WDR70: variants seen among roughly 807,000 people sequenced by gnomAD.
The protein encoded by WDR70 is WD repeat-containing protein 70.
In WDR70, 53 loss-of-function variants were observed where a neutral mutation model predicts 88.6. The observed-to-expected ratio is 0.60, with a 90% CI of 0.48 to 0.75. The LOEUF (loss-of-function observed/expected upper bound fraction) is 0.75. Among genes scored for constraint, WDR70 ranks in the 30% least tolerant of loss-of-function variants. The pLI is 0.00. For synonymous variants in WDR70, 280 were observed against 270.0 expected, an observed-to-expected ratio of 1.04 and a Z score of -0.36; for missense variants, 610 against 823.2, an observed-to-expected ratio of 0.74 and a Z score of 3.17.
intron 9 of WDR70, among the ~76,000 whole-genome samples, chr5:37,564,583 AGAGGGAGAG>A (rs914983498): frequency 2.0e-5 from 3 of 147,564 alleles, no homozygotes; most frequent in Non-Finnish European, 4.4e-5. Context: ...GAGAGGAGGG[AGAGGGAGAG>A]GAGGGAGAGG....
At chr5:37,394,240 G>A (rs1168350786) in intron 4 of WDR70, among the ~76,000 whole-genome samples, 3 of 149,406 alleles carry the variant, frequency 2.0e-5, no homozygotes, top group Non-Finnish European at 4.4e-5. Flanking sequence ...AGGACGGGGA[G>A]TGAGCGAAGA....
At position 37,406,246 on chromosome 5, in the gene WDR70, T is replaced by A. The variant is rs1201713735; in HGVS notation, c.492+9676T>A. Among the ~76,000 whole-genome samples, 5 of 152,194 alleles carry A rather than the reference T, an allele frequency of 3.3e-5. No homozygotes were observed. The South Asian group carries it at 8.3e-4, about 25-fold the overall frequency. ...TACCTCACATCCAATCTCTGATCCA[T>A]TAAGTCTTACTAGCTCTGTCTTGAA... On this transcript the variant is annotated intron_variant, in intron 5 of 17. Transcript: ENST00000265107.
intron 9 of WDR70, among the ~76,000 whole-genome samples, chr5:37,570,020 G>A (rs1277990527): frequency 6.6e-6 from 1 of 152,122 alleles, no homozygotes; most frequent in African/African-American, 2.4e-5. Context: ...TATGCAAGAT[G>A]CTATAAGACA....
At chr5:37,416,424 A>C (rs550096270) in intron 5 of WDR70, among the ~76,000 whole-genome samples, 3 of 152,084 alleles carry the variant, frequency 2.0e-5, no homozygotes, top group Admixed American at 6.5e-5. Flanking sequence ...CAGGAGAATC[A>C]GGCAGGGAGG....
intron 9 of WDR70, among the ~76,000 whole-genome samples, chr5:37,552,013 C>T (rs1742163171): frequency 6.6e-6 from 1 of 151,988 alleles, no homozygotes; most frequent in Non-Finnish European, 1.5e-5. Context: ...CTCAGGCATT[C>T]CAGCTGCTTC....
chr5:37,656,225 C>T (rs981164211), intron 10 of WDR70, among the ~76,000 whole-genome samples: 1 of 152,192 alleles, frequency 6.6e-6, no homozygotes, highest in African/African-American at 2.4e-5. Flanking sequence ...CTGGAGTTTG[C>T]TGGAGGTCCA....
In WDR70 at chr5:37,563,311, C is replaced by T. The variant is rs1249149208; in HGVS notation, c.918-41753C>T. 8.0e-5 allele frequency among the ~76,000 whole-genome samples: 5 copies of T among 62,152 alleles called. 1 individual carries two copies. In the East Asian group the frequency reaches 2.1e-3, roughly 26 times the overall value. The allele number at this position is 62,152 out of a possible 152,430, so 40.8% of individuals were successfully genotyped here. A position where few individuals can be genotyped will look rare whatever the true frequency, so the allele number is the denominator to read the frequency against. The stretch of plus-strand genomic sequence containing the variant: ...GCTGGCCGGGCGGGGGGCTGGCCCC[C>T]CACCTCCCTCCTGGACGGGGCGGCT... On this transcript the variant is annotated intron_variant, in intron 9 of 17. Transcript: ENST00000265107.
At chr5:37,525,111 G>C (rs1200828241) in intron 9 of WDR70, among the ~76,000 whole-genome samples, 1 of 152,088 alleles carries the variant, frequency 6.6e-6, no homozygotes, top group East Asian at 1.9e-4. Context: ...ATAGAACTCA[G>C]CTCTGCACCA....
At chr5:37,405,270 T>C (rs906987734) in intron 5 of WDR70, among the ~76,000 whole-genome samples, 6 of 152,074 alleles carry the variant, frequency 3.9e-5, no homozygotes, top group African/African-American at 1.2e-4. Flanking sequence ...ATTTAAACAA[T>C]AGATATGTGT....
chr5:37,688,260 A>G (rs551385308), intron 10 of WDR70, among the ~76,000 whole-genome samples: 2 of 152,330 alleles, frequency 1.3e-5, no homozygotes, highest in South Asian at 4.1e-4. Flanking sequence ...AGTGTGAACC[A>G]GACAAGCTAA....
At chr5:37,396,790 C>T (rs1029297320) in intron 5 of WDR70, among the ~76,000 whole-genome samples, 1 of 151,990 alleles carries the variant, frequency 6.6e-6, no homozygotes. Context: ...AAGATTGTGC[C>T]ACTGCACTCC....
At chr5:37,617,938 T>C (rs1248431583) in intron 10 of WDR70, among the ~76,000 whole-genome samples, 1 of 152,240 alleles carries the variant, frequency 6.6e-6, no homozygotes, top group South Asian at 2.1e-4. Context: ...GATTGCATAT[T>C]GATCAAAGTT....
intron 9 of WDR70, among the ~76,000 whole-genome samples, chr5:37,562,409 T>A (rs988329115): frequency 5.3e-5 from 8 of 150,532 alleles, no homozygotes; most frequent in Admixed American, 4.6e-4. Flanking sequence ...AAAACTTAGA[T>A]CCTGCAAGTT....
intron 8 of WDR70, among the ~76,000 whole-genome samples, chr5:37,515,730 A>G (rs903384976): frequency 1.3e-5 from 2 of 152,178 alleles, no homozygotes; most frequent in Admixed American, 1.3e-4. Context: ...AGAGTAAGAG[A>G]TACTGCAGTT....
chr5:37,524,836 T>C (rs1365784236), intron 9 of WDR70, among the ~76,000 whole-genome samples: 1 of 152,162 alleles, frequency 6.6e-6, no homozygotes, highest in African/African-American at 2.4e-5. Flanking sequence ...AATCCTAGTC[T>C]CTGATAAAAC....
intron 5 of WDR70, among the ~76,000 whole-genome samples, chr5:37,427,491 C>T (rs1236288840): frequency 6.6e-6 from 1 of 152,140 alleles, no homozygotes; most frequent in Non-Finnish European, 1.5e-5. Context: ...TGTACACACA[C>T]ATGCATAAAC....
intron 5 of WDR70, 40 bp from the exon 6 acceptor site, chr5:37,437,882 G>T: frequency 6.4e-7 from 1 of 1,573,108 alleles, no homozygotes; most frequent in East Asian, 2.3e-5. Context: ...CCACAAATAT[G>T]TTATTTTACC....
rs186942243 is a variant in WDR70, at chr5:37,725,345, G to A, written c.1714+295G>A. ...GGCCTCAGGGGAACTCGGGGGCTCA[G>A]TGGACCTTGGAACCCAGTGTTAAAA... On this transcript the variant is annotated intron_variant, in intron 16 of 17. Transcript: ENST00000265107. 1.9e-3 allele frequency among the ~76,000 whole-genome samples: 287 copies of A among 152,056 alleles called. 7 individuals are homozygous for A. Among genetic ancestry groups the A allele is most frequent in the South Asian group, 0.018 (87 of 4,806 alleles).
At chr5:37,701,344 A>G (rs1486369230) in intron 12 of WDR70, among the ~76,000 whole-genome samples, 1 of 152,124 alleles carries the variant, frequency 6.6e-6, no homozygotes, top group Non-Finnish European at 1.5e-5. Flanking sequence ...TTGAAGTTAA[A>G]ATTATGTATT....
Sources: gnomAD v4.1 joint callset for allele counts (sites outside exome capture counted in the v4.1 genomes callset) on GRCh38, gnomAD v4.1.1 for gene constraint, MANE v1.5 for transcripts, NCBI Gene and HGNC (gene_info 2026-07-23, HGNC 2026-07-21) for gene names.